The following COL5A2 variants were observed in gnomAD, a reference collection of about 807,000 sequenced individuals.
COL5A2 encodes the protein collagen alpha-2(V) chain.
In COL5A2, 23 loss-of-function variants were observed where a neutral mutation model predicts 208.2. The observed-to-expected ratio is 0.11, with a 90% CI of 0.08 to 0.16. The LOEUF (loss-of-function observed/expected upper bound fraction) is 0.16, where lower values mean the gene tolerates loss of function less well. Among genes scored for constraint, COL5A2 ranks in the 10% least tolerant of loss-of-function variants. The probability of loss-of-function intolerance (pLI) is 1.00; values close to 1 mark genes in which losing one functional copy is unlikely to be tolerated. For missense variants in COL5A2, 1,590 were observed against 1,956.4 expected (o/e 0.81, Z 3.53); for synonymous variants, 625 against 628.5 (o/e 0.99, Z 0.08).
chr2:189,102,003 C>G (rs1414200595), intron 3 of COL5A2, among the ~76,000 whole-genome samples: 1 of 151,894 alleles, frequency 6.6e-6, no homozygotes. Context: ...TAAAATTTAA[C>G]CATGTAAGAG....
chr2:189,239,306 T>C, the COL5A2 span, among the ~76,000 whole-genome samples: 1 of 152,082 alleles, frequency 6.6e-6, no homozygotes, highest in Non-Finnish European at 1.5e-5. Flanking sequence ...CCCAGGAACC[T>C]GTTACCTTGC....
At chr2:189,425,507 T>C in the COL5A2 span, among the ~76,000 whole-genome samples, 2 of 152,180 alleles carry the variant, frequency 1.3e-5, no homozygotes, top group Non-Finnish European at 2.9e-5. Context: ...TGAAATACTA[T>C]GCAGCCATAA....
At chr2:189,059,584 GGTTTTT>G (rs1685978242) in intron 31 of COL5A2, among the ~76,000 whole-genome samples, 1 of 21,234 alleles carries the variant, frequency 4.7e-5, no homozygotes, top group African/African-American at 8.8e-5. Flanking sequence ...TTTCTTTTCT[GGTTTTT>G]TTTTTTTTTT....
chr2:189,135,231 G>A (rs1221153719), intron 1 of COL5A2, among the ~76,000 whole-genome samples: 1 of 152,098 alleles, frequency 6.6e-6, no homozygotes, highest in Non-Finnish European at 1.5e-5. Flanking sequence ...ACCTACCACA[G>A]ATGCTCATGG....
the COL5A2 span, among the ~76,000 whole-genome samples, chr2:189,300,950 G>T: frequency 6.6e-6 from 1 of 152,182 alleles, no homozygotes; most frequent in Non-Finnish European, 1.5e-5. Context: ...CCTTTGGGAG[G>T]CTGGGGCAGG....
In COL5A2 at chr2:189,050,663, G is replaced by T. The variant is rs1366499731; in HGVS notation, c.2945C>A (p.Pro982His). 4 of 1,551,982 alleles carry T rather than the reference G, an allele frequency of 2.6e-6. No individual in the cohort carries two copies. The change falls in exon 43 of 54, where the codon CCC (proline) becomes CAC (histidine). Residue 982 changes from proline to histidine, a missense_variant. Coordinates refer to ENST00000374866, the MANE Select transcript of COL5A2 (RefSeq NM_000393.5). ...GEDGQPGPDG[P>H]PGPAGTTGQR... ...CCCGGTCGTTCCAGCTGGACCAGGG[G>T]GGCCATCTGGACCCTAATGTTGAGG...
At chr2:189,378,988 T>C in the COL5A2 span, among the ~76,000 whole-genome samples, 11 of 152,226 alleles carry the variant, frequency 7.2e-5, no homozygotes, top group Non-Finnish European at 1.6e-4. Flanking sequence ...GGTCAAGTTA[T>C]TACGGTCTTT....
intron 8 of COL5A2, 152 bp downstream of exon 8, chr2:189,088,543 A>G: frequency 1.5e-6 from 1 of 659,522 alleles, no homozygotes; most frequent in Non-Finnish European, 2.7e-6. Flanking sequence ...CATACAGTAG[A>G]GTAAATAAGT....
chr2:189,064,145 G>A, intron 25 of COL5A2, 112 bp from the exon 26 acceptor site: 1 of 841,714 alleles, frequency 1.2e-6, no homozygotes, highest in East Asian at 2.7e-5. Context: ...TGACATTTCT[G>A]TAAATCAAAT....
chr2:189,049,712 A>T (rs1685744552), intron 43 of COL5A2, among the ~76,000 whole-genome samples: 1 of 152,130 alleles, frequency 6.6e-6, no homozygotes, highest in South Asian at 2.1e-4. Flanking sequence ...GGTTCTAATC[A>T]TGTGTACCAT....
the COL5A2 span, among the ~76,000 whole-genome samples, chr2:189,298,819 C>T: frequency 6.6e-6 from 1 of 152,268 alleles, no homozygotes; most frequent in Non-Finnish European, 1.5e-5. Context: ...AACACAATCA[C>T]TGCATGTATG....
chr2:189,170,829 G>C (rs1688559806), intron 1 of COL5A2, among the ~76,000 whole-genome samples: 1 of 151,956 alleles, frequency 6.6e-6, no homozygotes, highest in Middle Eastern at 3.4e-3. Flanking sequence ...GGAATAAATT[G>C]TTAATGTTAA....
intron 1 of COL5A2, among the ~76,000 whole-genome samples, chr2:189,204,481 T>C (rs930238622): frequency 6.6e-6 from 1 of 152,260 alleles, no homozygotes; most frequent in Non-Finnish European, 1.5e-5. Context: ...TTCATGTGTG[T>C]CTACTTCCCT....
In COL5A2 at chr2:189,063,161, A is replaced by G; in HGVS notation, c.1869+11T>C. ...TGATGAGGTGGCCAACATATTATAC[A>G]CTGTACTCACACTGCTACCTTTGGG... On this transcript the variant is annotated intron_variant, in intron 27 of 53. Transcript: ENST00000374866. 1 of 1,613,386 alleles carries G rather than the reference A, an allele frequency of 6.2e-7. No individual in the cohort carries two copies. The highest frequency in any genetic ancestry group is 8.5e-7 in the Non-Finnish European group (1 of 1,179,308).
chr2:189,365,123 T>C, the COL5A2 span, among the ~76,000 whole-genome samples: 3,657 of 152,308 alleles, frequency 0.024, 160 homozygotes, highest in African/African-American at 0.084. Flanking sequence ...CAATCTGTAA[T>C]TTGTTATAAT....
At chr2:189,347,072 C>T in the COL5A2 span, among the ~76,000 whole-genome samples, 1 of 152,188 alleles carries the variant, frequency 6.6e-6, no homozygotes, top group Non-Finnish European at 1.5e-5. Context: ...CACTCCAATA[C>T]TTTCAAAAAG....
At chr2:189,342,108 T>C in the COL5A2 span, among the ~76,000 whole-genome samples, 1 of 151,624 alleles carries the variant, frequency 6.6e-6, no homozygotes, top group African/African-American at 2.4e-5. Flanking sequence ...TCAAGTCTTT[T>C]AATTTTGGCC....
At chr2:189,055,649 T>G (rs562484759) in intron 35 of COL5A2, among the ~76,000 whole-genome samples, 9 of 152,324 alleles carry the variant, frequency 5.9e-5, no homozygotes, top group African/African-American at 2.2e-4. Context: ...TGTTTATAGA[T>G]TTTTTATACA....
the COL5A2 span, among the ~76,000 whole-genome samples, chr2:189,322,804 G>A: frequency 6.6e-6 from 1 of 152,210 alleles, no homozygotes; most frequent in African/African-American, 2.4e-5. Context: ...AGAAAAAGAG[G>A]GAATCCTCCC....
Sources: allele counts gnomAD v4.1 joint callset (sites outside exome capture counted in the v4.1 genomes callset), GRCh38; gene constraint gnomAD v4.1.1; transcripts MANE v1.5; gene names NCBI Gene and HGNC (gene_info 2026-07-23, HGNC 2026-07-21).